Variants in HIP1 observed in about 807,000 individuals in gnomAD.
The protein encoded by HIP1 is huntingtin-interacting protein 1.
A neutral mutation model predicts 147.6 loss-of-function variants in HIP1; 65 were observed. The ratio of observed to expected loss-of-function variants is 0.44; its 90% CI spans 0.36 to 0.54. The LOEUF (loss-of-function observed/expected upper bound fraction) is 0.54. HIP1 is among the 20% of genes least tolerant of loss of function. HIP1 has a pLI of 0.00. For missense variants in HIP1, 1,061 were observed against 1,299.6 expected, an observed-to-expected ratio of 0.82 and a Z score of 2.82; for synonymous variants, 479 against 504.0, an observed-to-expected ratio of 0.95 and a Z score of 0.67.
intron 8 of HIP1, 48 bp downstream of exon 8, chr7:75,573,713 C>A: frequency 6.3e-7 from 1 of 1,582,166 alleles, no homozygotes; most frequent in Non-Finnish European, 8.7e-7. Context: ...CTGGGATCCT[C>A]CCTCTGGCCT....
intron 1 of HIP1, among the ~76,000 whole-genome samples, chr7:75,723,163 C>G (rs1342068457): frequency 6.6e-6 from 1 of 152,006 alleles, no homozygotes. Context: ...GTCAGGAGTT[C>G]GAGACCAGCC....
rs1265790484 is a variant in HIP1 at position 75,703,504 on chromosome 7, G to A, written c.120+35297C>T. Among the ~76,000 whole-genome samples the A allele has an allele frequency of 2.6e-5, 4 of 151,958 alleles. No individual in the cohort carries two copies. The East Asian group carries it at 5.8e-4, about 22-fold the overall frequency. On this transcript the variant is annotated intron_variant, in intron 1 of 30. Coordinates refer to ENST00000336926, the MANE Select transcript of HIP1 (RefSeq NM_005338.7). ...ACTAAAAATACAAAATCAGCTGGGT[G>A]TGGTGGCACATGCCTGTAATCCCAG...
rs1011651406 is a variant in HIP1 at position 75,553,642 on chromosome 7, G to A, written c.2159-53C>T. ...TTTTTTGAGATGGAGTCTCGCTCTT[G>A]TTGCCCAGGCTGGAGTGCAGTGGCG... On this transcript the variant is annotated intron_variant, in intron 21 of 30. Transcript: ENST00000336926. 28 of 1,562,818 alleles carry A rather than the reference G, an allele frequency of 1.8e-5. No homozygotes were observed. In the African/African-American group the frequency reaches 2.4e-4, roughly 14 times the overall value.
At chr7:75,679,528 T>A (rs1675933969) in intron 1 of HIP1, among the ~76,000 whole-genome samples, 1 of 152,172 alleles carries the variant, frequency 6.6e-6, no homozygotes, top group Non-Finnish European at 1.5e-5. Flanking sequence ...ATTTGCAAAA[T>A]CCAGAGATTT....
intron 1 of HIP1, among the ~76,000 whole-genome samples, chr7:75,737,811 G>T (rs1042008932): frequency 6.6e-6 from 1 of 152,154 alleles, no homozygotes; most frequent in African/African-American, 2.4e-5. Flanking sequence ...GACCCAAATG[G>T]ATCTTCAAAG....
intron 9 of HIP1, among the ~76,000 whole-genome samples, chr7:75,566,734 A>G (rs1287553494): frequency 6.6e-6 from 1 of 151,250 alleles, no homozygotes; most frequent in Non-Finnish European, 1.5e-5. Context: ...TATCAACCAA[A>G]CCTGCTAGTG....
intron 1 of HIP1, among the ~76,000 whole-genome samples, chr7:75,637,348 G>A (rs1798457787): frequency 6.6e-6 from 1 of 152,154 alleles, no homozygotes; most frequent in African/African-American, 2.4e-5. Context: ...CTGGGTGCAG[G>A]GCTGGGAGGA....
intron 1 of HIP1, among the ~76,000 whole-genome samples, chr7:75,623,197 CAAAAAAAAAAAGCAAAAAAAA>C (rs1411423680): frequency 1.9e-5 from 1 of 51,640 alleles, no homozygotes; most frequent in Admixed American, 2.9e-4. Context: ...GACTCCATCT[CAAAAAAAAAAAGCAAAAAAAA>C]AAAAAAAAAA....
chr7:75,640,888 A>T (rs183277669), intron 1 of HIP1, among the ~76,000 whole-genome samples: 1 of 152,148 alleles, frequency 6.6e-6, no homozygotes, highest in African/African-American at 2.4e-5. Flanking sequence ...GGCATCTCCT[A>T]TCATGGCCCC....
intron 1 of HIP1, among the ~76,000 whole-genome samples, chr7:75,691,597 G>A (rs1435451877): frequency 1.3e-5 from 2 of 151,988 alleles, no homozygotes; most frequent in African/African-American, 4.8e-5. Flanking sequence ...TCAGGAGTTT[G>A]AGACCAGCCT....
chr7:75,599,709 G>A (rs1796900735), intron 1 of HIP1, among the ~76,000 whole-genome samples: 1 of 152,140 alleles, frequency 6.6e-6, no homozygotes, highest in South Asian at 2.1e-4. Context: ...AGCACCGGCG[G>A]TGGTCACTAA....
At chr7:75,657,204 C>A (rs1351214302) in intron 1 of HIP1, among the ~76,000 whole-genome samples, 2 of 152,150 alleles carry the variant, frequency 1.3e-5, no homozygotes, top group African/African-American at 4.8e-5. Context: ...AAATGCAGTA[C>A]ATATACACCA....
chr7:75,719,187 T>C (rs4728289), intron 1 of HIP1, among the ~76,000 whole-genome samples: 89,378 of 151,544 alleles, frequency 0.59, 27,129 homozygotes, highest in African/African-American at 0.71. Flanking sequence ...AGAGAAAGAA[T>C]CTTAGATGTT....
At chr7:75,574,649 G>C (rs1259584986) in intron 7 of HIP1, among the ~76,000 whole-genome samples, 1 of 151,492 alleles carries the variant, frequency 6.6e-6, no homozygotes, top group East Asian at 1.9e-4. Flanking sequence ...ACTTGTTGGA[G>C]AGCCCAAGAG....
rs112664399 is a variant in HIP1, at chr7:75,599,357, C to T, written c.121-110G>A. On this transcript the variant is annotated intron_variant, in intron 1 of 30. Coordinates refer to ENST00000336926, the MANE Select transcript of HIP1 (RefSeq NM_005338.7). ...CTTTCTCCTCCTCCAGCCAACCTCC[C>T]CCAGCCCCACGGGTGGTCGGTTCCT... 72 of 829,180 alleles carry T rather than the reference C, an allele frequency of 8.7e-5. No homozygotes were observed. In the African/African-American group the frequency reaches 1.1e-3, roughly 12 times the overall value. The allele number at this position is 829,180 out of a possible 1,614,324, so 51.4% of individuals were successfully genotyped here.
chr7:75,566,387 G>T (rs1257929454), intron 9 of HIP1, among the ~76,000 whole-genome samples: 1 of 151,492 alleles, frequency 6.6e-6, no homozygotes, highest in African/African-American at 2.5e-5. Context: ...TCCTTGCAGC[G>T]CAGGGCTACT....
At chr7:75,620,050 G>A (rs1270153852) in intron 1 of HIP1, among the ~76,000 whole-genome samples, 5 of 152,230 alleles carry the variant, frequency 3.3e-5, no homozygotes, top group East Asian at 1.9e-4. Flanking sequence ...TCATTCATTC[G>A]ACATATATTT....
chr7:75,647,305 G>A lies in HIP1; in HGVS notation c.121-48058C>T, dbSNP rs782333561. On this transcript the variant is annotated intron_variant, in intron 1 of 30. Coordinates refer to ENST00000336926, the MANE Select transcript of HIP1 (RefSeq NM_005338.7). ...CCCAGCTACACGGGAGACTGAGGCA[G>A]GAGAATCGCTTGAACCCAGGAAGCA... is the stretch of plus-strand genomic sequence containing the variant. 9.9e-4 allele frequency among the ~76,000 whole-genome samples: 150 copies of A among 150,830 alleles called. 2 individuals are homozygous for A. Among genetic ancestry groups the A allele is most frequent in the Middle Eastern group, 3.5e-3 (1 of 286 alleles).
chr7:75,592,220 A>G, intron 3 of HIP1, 108 bp from the exon 4 acceptor site: 1 of 1,374,952 alleles, frequency 7.3e-7, no homozygotes, highest in Non-Finnish European at 1.0e-6. Flanking sequence ...GGACAGGCTG[A>G]TGGGAGGGAG....
Sources: allele counts gnomAD v4.1 joint callset (sites outside exome capture counted in the v4.1 genomes callset), GRCh38; gene constraint gnomAD v4.1.1; transcripts MANE v1.5; gene names NCBI Gene and HGNC (gene_info 2026-07-23, HGNC 2026-07-21).